ATP4A: variants seen among roughly 807,000 people sequenced by gnomAD.
ATP4A encodes potassium-transporting ATPase alpha chain 1.
Under a neutral mutation model 112.1 loss-of-function variants are expected in ATP4A, and 73 were observed. The observed-to-expected ratio is 0.65, with a 90% CI of 0.54 to 0.79. The LOEUF is 0.79. ATP4A is among the 30% of genes least tolerant of loss of function. The pLI is 0.00. For missense variants in ATP4A, 1,081 were observed against 1,425.9 expected (o/e 0.76, Z 3.90); for synonymous variants, 588 against 588.9 (o/e 1.00, Z 0.02).
Position 35,550,040 on chromosome 19 carries a change from T to TTTCC in ATP4A, c.*571_*574dup, listed in dbSNP as rs1197155891. ...ACCCTGGGCAAAGGAATAGGAATCATTTCCCCAAGGCAGGTTTATTGAGGA... is the reference window on the plus strand; with the variant it reads ...ACCCTGGGCAAAGGAATAGGAATCATTTCCTTCCCCAAGGCAGGTTTATTGAGGA... On this transcript the variant is annotated 3_prime_UTR_variant, in exon 22 of 22. Transcript: ENST00000262623. This position sits in a 1 kb window ranked among gnomAD's most constrained non-coding sequence, Gnocchi z 4.1. 6.4e-6 allele frequency: 1 copy of TTTCC among 156,754 alleles called. No homozygotes were observed. The highest frequency in any genetic ancestry group is 1.4e-5 in the Non-Finnish European group (1 of 70,712). 9.7% of individuals were successfully genotyped at this position (156,754 alleles called of 1,614,324 possible).
chr19:35,563,075 CCT>C (rs1041328263), intron 3 of ATP4A, 132 bp downstream of exon 3: 12 of 963,320 alleles, frequency 1.2e-5, no homozygotes, highest in Non-Finnish European at 1.8e-5. Context: ...TGCCTCCCTC[CCT>C]CTCTCTATTT....
chr19:35,559,905 A>G lies in ATP4A; in HGVS notation c.956T>C (p.Ile319Thr), dbSNP rs368547129. 23 of 1,614,124 alleles carry G rather than the reference A, an allele frequency of 1.4e-5. No individual in the cohort carries two copies. Among genetic ancestry groups the G allele is most frequent in the African/African-American group, 4.0e-5 (3 of 74,944 alleles). ...LAILFGATFFIVAMCIGYTFL... is the reference protein window; with the variant it reads ...LAILFGATFFTVAMCIGYTFL... Reference sequence around the variant, plus strand: ...GGTGTAGCCAATGCACATGGCCACAATAAAAAATGTGGCACCGAAGAGAAT... The same window carrying G: ...GGTGTAGCCAATGCACATGGCCACAGTAAAAAATGTGGCACCGAAGAGAAT... Residue 319 changes from isoleucine to threonine, a missense_variant, in exon 7 of 22, where the codon ATT becomes ACT. This residue lies in a region of ATP4A where 850 missense variants were observed against 1,068.2 expected (regional missense o/e 0.80). Transcript: ENST00000262623. The surrounding 1 kb of genome is among the most constrained non-coding windows in gnomAD (Gnocchi z 4.1).
Position 35,559,254 on chromosome 19 carries a change from G to A in ATP4A, c.1057-63C>T, listed in dbSNP as rs566430523. 8 of 1,544,102 alleles carry A rather than the reference G, an allele frequency of 5.2e-6. No individual in the cohort carries two copies. In the Admixed American group the frequency reaches 6.7e-5, roughly 13 times the overall value. On this transcript the variant is annotated intron_variant, in intron 7 of 21. Coordinates refer to ENST00000262623, the MANE Select transcript of ATP4A (RefSeq NM_000704.3). This position sits in a 1 kb window ranked among gnomAD's most constrained non-coding sequence, Gnocchi z 4.1. ...CCTGGCTTCCAGTCCTCTTCCCCGCGTCAAAGAACGGGGAAGGCTTTACCC... is the reference window on the plus strand; with the variant it reads ...CCTGGCTTCCAGTCCTCTTCCCCGCATCAAAGAACGGGGAAGGCTTTACCC...
rs550090789 is a variant in ATP4A, at chr19:35,557,386, G to A, written c.1693+269C>T. 4.6e-5 allele frequency among the ~76,000 whole-genome samples: 7 copies of A among 152,296 alleles called. No individual in the cohort carries two copies. The East Asian group carries it at 1.2e-3, about 25-fold the overall frequency. On this transcript the variant is annotated intron_variant, in intron 11 of 21. Coordinates refer to ENST00000262623, the MANE Select transcript of ATP4A (RefSeq NM_000704.3). This position sits in a 1 kb window ranked among gnomAD's most constrained non-coding sequence, Gnocchi z 4.4. Reference sequence around the variant, plus strand: ...ATCTGCTTTCTAGGGTAGAGGCAGCGAAGTTTAAGGCGTCAGGACAAAAAT... The same window carrying A: ...ATCTGCTTTCTAGGGTAGAGGCAGCAAAGTTTAAGGCGTCAGGACAAAAAT...
rs2071601898 is a variant in ATP4A at position 35,551,521 on chromosome 19, A to G, written c.2811T>C (p.Ile937=). The change falls in exon 19 of 22, where the codon ATT becomes ATC. Residue 937 remains isoleucine (I), a synonymous_variant. Coordinates refer to ENST00000262623, the MANE Select transcript of ATP4A (RefSeq NM_000704.3). This position sits in a 1 kb window ranked among gnomAD's most constrained non-coding sequence, Gnocchi z 5.2. The part of the protein sequence containing the change: ...YTCYTVFFIS[I]EVCQIADVLI... ...GGACATCGGCGATCTGGCACACCTC[A>G]ATGCTGATGAAGAACACGGTGTAGC... is the stretch of plus-strand genomic sequence containing the variant. 2 of 1,614,016 alleles carry G rather than the reference A, an allele frequency of 1.2e-6. No homozygotes were observed. Among genetic ancestry groups the G allele is most frequent in the South Asian group, 1.1e-5 (1 of 91,050 alleles).
At position 35,555,208 on chromosome 19, in the gene ATP4A, G is replaced by A. The variant is rs1198033391; in HGVS notation, c.2284C>T (p.Leu762=). 3 of 1,614,160 alleles carry A rather than the reference G, an allele frequency of 1.9e-6. No individual in the cohort carries two copies. The highest frequency in any genetic ancestry group is 1.6e-4 in the Middle Eastern group (1 of 6,062). Residue 762 remains leucine, a synonymous_variant, in exon 15 of 22, where the codon CTG becomes TTG. Coordinates refer to ENST00000262623, the MANE Select transcript of ATP4A (RefSeq NM_000704.3). The surrounding 1 kb of genome is among the most constrained non-coding windows in gnomAD (Gnocchi z 6.6). ...ACAATGGAGGCAAAGTTGTCATCCA[G>A]CAGGATCATGTCAGCTGCATTTTTG... ...AAKNAADMIL[L]DDNFASIVTG...
chr19:35,554,736 A>AGG (rs2071620546), intron 16 of ATP4A, among the ~76,000 whole-genome samples, 186 bp downstream of exon 16: 1 of 150,076 alleles, frequency 6.7e-6, no homozygotes, highest in Non-Finnish European at 1.5e-5. Context: ...GCATGGCTGT[A>AGG]TGTCCATTTA....
chr19:35,552,315 G>T lies in ATP4A; in HGVS notation c.2751+722C>A, dbSNP rs2071606554. Among the ~76,000 whole-genome samples, 5 of 152,170 alleles carry T rather than the reference G, an allele frequency of 3.3e-5. No homozygotes were observed. The South Asian group carries it at 1.0e-3, about 32-fold the overall frequency. Reference sequence around the variant, plus strand: ...TTAATCCGCTGGGTAACCCTAGGAGGTAAATCAGTGGTGCTGGAACTTGAA... The same window carrying T: ...TTAATCCGCTGGGTAACCCTAGGAGTTAAATCAGTGGTGCTGGAACTTGAA... On this transcript the variant is annotated intron_variant, in intron 18 of 21. Coordinates refer to ENST00000262623, the MANE Select transcript of ATP4A (RefSeq NM_000704.3).
In ATP4A at chr19:35,551,309, T is replaced by A; in HGVS notation, c.2885+138A>T. The A allele has an allele frequency of 7.1e-7, 1 of 1,415,722 alleles. No individual in the cohort carries two copies. The highest frequency in any genetic ancestry group is 9.6e-7 in the Non-Finnish European group (1 of 1,038,268). 87.7% of individuals were successfully genotyped at this position (1,415,722 alleles called of 1,614,324 possible). ...GGCCGTGGGGGGAGTTATTGGCCAG[T>A]TAGAAAGGTTTTTTTGGCATGTCAC... On this transcript the variant is annotated intron_variant, in intron 19 of 21. Coordinates refer to ENST00000262623, the MANE Select transcript of ATP4A (RefSeq NM_000704.3). The surrounding 1 kb of genome is among the most constrained non-coding windows in gnomAD (Gnocchi z 5.2).
In ATP4A at chr19:35,560,936, G is replaced by A; in HGVS notation, c.421-4C>T. The A allele has an allele frequency of 1.2e-6, 2 of 1,613,650 alleles. No individual in the cohort carries two copies. Among genetic ancestry groups the A allele is most frequent in the African/African-American group, 1.3e-5 (1 of 74,962 alleles). On this transcript the variant is annotated splice_region_variant and splice_polypyrimidine_tract_variant and intron_variant, in intron 4 of 21. Transcript: ENST00000262623. The surrounding 1 kb of genome is among the most constrained non-coding windows in gnomAD (Gnocchi z 5.1). The stretch of plus-strand genomic sequence containing the variant: ...TGAGAGCGATTGCCAGGTACAGCTG[G>A]GGACAGGGAAGGGGTGGGGTTATTC...
intron 16 of ATP4A, among the ~76,000 whole-genome samples, chr19:35,554,208 C>G (rs557333112): frequency 9.9e-5 from 15 of 151,602 alleles, no homozygotes; most frequent in African/African-American, 2.9e-4. Context: ...CGCCGTGCCC[C>G]TTCATCTGCT....
chr19:35,557,058 T>A lies in ATP4A; in HGVS notation c.1724A>T (p.Asp575Val). ...GFCQLYLNEKDYPPGYAFDVE... is the reference protein window; with the variant it reads ...GFCQLYLNEKVYPPGYAFDVE... The stretch of plus-strand genomic sequence containing the variant: ...GTCGAAGGCATAGCCAGGCGGGTAG[T>A]CCTTCTCATTCAGGTAGAGCTGGCA... The change falls in exon 12 of 22, where the codon GAC (aspartate) becomes GTC (valine). Residue 575 changes from aspartate (D) to valine (V), a missense_variant. Asp to Val is a radical substitution (Grantham distance 152, BLOSUM62 -3). Coordinates refer to ENST00000262623, the MANE Select transcript of ATP4A (RefSeq NM_000704.3). The surrounding 1 kb of genome is among the most constrained non-coding windows in gnomAD (Gnocchi z 4.4). 1 of 1,614,172 alleles carries A rather than the reference T, an allele frequency of 6.2e-7. No homozygotes were observed. The highest frequency in any genetic ancestry group is 1.1e-5 in the South Asian group (1 of 91,090).
Position 35,550,441 on chromosome 19 carries a change from G to T in ATP4A, c.*174C>A, listed in dbSNP as rs1040902887. On this transcript the variant is annotated 3_prime_UTR_variant, in exon 22 of 22. Transcript: ENST00000262623. The surrounding 1 kb of genome is among the most constrained non-coding windows in gnomAD (Gnocchi z 4.1). The stretch of plus-strand genomic sequence containing the variant: ...GGAGGTGCGAACCTTGGGAATGGGG[G>T]AGGGGAGTGGGCAGGTCCCTCCAAG... 18 of 783,984 alleles carry T rather than the reference G, an allele frequency of 2.3e-5. No homozygotes were observed. Among genetic ancestry groups the T allele is most frequent in the Non-Finnish European group, 3.4e-5 (17 of 493,204 alleles). 48.6% of individuals were successfully genotyped at this position (783,984 alleles called of 1,614,324 possible).
rs548962483 is a variant in ATP4A at position 35,560,909 on chromosome 19, A to C, written c.444T>G (p.Ile148Met). The stretch of plus-strand genomic sequence containing the variant: ...AGCAGCCGGTGACGACAACCACAGC[A>C]ATGAGAGCGATTGCCAGGTACAGCT... ...DDNLYLAIALIAVVVVTGCFG... is the reference protein window; with the variant it reads ...DDNLYLAIALMAVVVVTGCFG... Residue 148 changes from isoleucine to methionine, a missense_variant, in exon 5 of 22, where the codon ATT becomes ATG. By Grantham distance (10) the Ile-to-Met change is conservative. Around this residue, in one of 3 missense-constraint regions of ATP4A, gnomAD observed 850 missense variants for 1,068.2 expected, o/e 0.80. Transcript: ENST00000262623. The surrounding 1 kb of genome is among the most constrained non-coding windows in gnomAD (Gnocchi z 5.1). The C allele has an allele frequency of 4.6e-5, 75 of 1,613,890 alleles. No homozygotes were observed. Among genetic ancestry groups the C allele is most frequent in the Non-Finnish European group, 6.3e-5 (74 of 1,179,964 alleles).
intron 16 of ATP4A, 124 bp downstream of exon 16, chr19:35,554,798 C>T (rs1452537227): frequency 1.5e-6 from 2 of 1,378,672 alleles, no homozygotes; most frequent in African/African-American, 1.4e-5. Context: ...TGTCATTGCA[C>T]ACACAGGTCT....
Position 35,555,512 on chromosome 19 carries a change from G to C in ATP4A, c.2085C>G (p.Thr695=), listed in dbSNP as rs760821367. 6 of 1,606,926 alleles carry C rather than the reference G, an allele frequency of 3.7e-6. No homozygotes were observed. Among genetic ancestry groups the C allele is most frequent in the Non-Finnish European group, 5.1e-6 (6 of 1,175,594 alleles). ...DPSELVEALR[T]HPEMVFARTS... Reference sequence around the variant, plus strand: ...TGCGCGCAAACACCATCTCGGGGTGGGTGCGCAGGGCCTCGACCAGTTCCG... The same window carrying C: ...TGCGCGCAAACACCATCTCGGGGTGCGTGCGCAGGGCCTCGACCAGTTCCG... The change falls in exon 14 of 22, where the codon ACC becomes ACG. Residue 695 remains threonine (T), a synonymous_variant. Coordinates refer to ENST00000262623, the MANE Select transcript of ATP4A (RefSeq NM_000704.3). This position sits in a 1 kb window ranked among gnomAD's most constrained non-coding sequence, Gnocchi z 6.6.
chr19:35,554,873 A>C, intron 16 of ATP4A, 49 bp downstream of exon 16: 1 of 1,611,502 alleles, frequency 6.2e-7, no homozygotes, highest in Non-Finnish European at 8.5e-7. Context: ...ATCTGCAAGC[A>C]AGTGTCTCTG....
At chr19:35,561,507 C>A (rs569434460) in intron 4 of ATP4A, among the ~76,000 whole-genome samples, 2 of 152,188 alleles carry the variant, frequency 1.3e-5, no homozygotes, top group Admixed American at 1.3e-4. Flanking sequence ...GCTCCCCAGT[C>A]ACTGTGTCCC....
Position 35,553,059 on chromosome 19 carries a change from T to G in ATP4A, c.2729A>C (p.Gln910Pro), listed in dbSNP as rs199801855. Residue 910 changes from glutamine to proline, a missense_variant, in exon 18 of 22, where the codon CAG (glutamine) becomes CCG (proline). Transcript: ENST00000262623. ...CACCCACTCCTGGCCGTAGCTGTCC[T>G]GCAGATCTTGTAGGTGGTGGTCCTC... The part of the protein sequence containing the change: ...QWEDHHLQDL[Q>P]DSYGQEWTFG... The G allele has an allele frequency of 6.2e-6, 10 of 1,608,264 alleles. No individual in the cohort carries two copies. The highest frequency in any genetic ancestry group is 8.5e-6 in the Non-Finnish European group (10 of 1,175,432).
Sources: allele counts gnomAD v4.1 joint callset (sites outside exome capture counted in the v4.1 genomes callset), GRCh38; gene constraint gnomAD v4.1.1; regional missense constraint gnomAD v4.1.1; non-coding constraint Gnocchi (gnomAD v3.1); transcripts MANE v1.5; gene names NCBI Gene and HGNC (gene_info 2026-07-23, HGNC 2026-07-21).